Variants in ELMOD1 observed in about 807,000 individuals in gnomAD.
ELMOD1 encodes the protein ELMO domain-containing protein 1.
In ELMOD1, 21 loss-of-function variants were observed where a neutral mutation model predicts 46.7. The ratio of observed to expected loss-of-function variants is 0.45; its 90% CI spans 0.32 to 0.65. The LOEUF is 0.65. ELMOD1 is among the 30% of genes least tolerant of loss of function. ELMOD1 has a pLI of 0.04. For synonymous variants in ELMOD1, 122 were observed against 138.2 expected (o/e 0.88, Z 0.82); for missense variants, 348 against 407.8 (o/e 0.85, Z 1.26).
At chr11:107,632,579 C>T (rs116859318) in intron 5 of ELMOD1, among the ~76,000 whole-genome samples, 9 of 152,288 alleles carry the variant, frequency 5.9e-5, no homozygotes, top group Non-Finnish European at 1.3e-4. Context: ...GCAGCCGCTT[C>T]AGTTCATTAG....
At chr11:107,598,961 T>C (rs1865541090) in intron 1 of ELMOD1, among the ~76,000 whole-genome samples, 1 of 152,236 alleles carries the variant, frequency 6.6e-6, no homozygotes, top group South Asian at 2.1e-4. Flanking sequence ...GTGGGACCTA[T>C]TGAGCACACA....
chr11:107,597,130 A>G (rs1251539545), intron 1 of ELMOD1, among the ~76,000 whole-genome samples: 1 of 152,264 alleles, frequency 6.6e-6, no homozygotes, highest in South Asian at 2.1e-4. Flanking sequence ...CATTTCTACA[A>G]TTTTATCAAG....
At position 107,600,603 on chromosome 11, in the gene ELMOD1, G is replaced by A. The variant is rs527861134; in HGVS notation, c.-86+9194G>A. 6 of 152,738 alleles carry A rather than the reference G, an allele frequency of 3.9e-5. No individual in the cohort carries two copies. In the South Asian group the frequency reaches 1.2e-3, roughly 32 times the overall value. 9.5% of individuals were successfully genotyped at this position (152,738 alleles called of 1,614,324 possible). On this transcript the variant is annotated intron_variant, in intron 1 of 11. Coordinates refer to ENST00000265840, the MANE Select transcript of ELMOD1 (RefSeq NM_018712.4). The stretch of plus-strand genomic sequence containing the variant: ...CCCTTAATTATTTTTGGTCCTAAAC[G>A]AAGGATTCATAATACCGTATCAAAT...
At chr11:107,647,650 C>A in intron 7 of ELMOD1, 49 bp downstream of exon 7, 1 of 1,564,052 alleles carries the variant, frequency 6.4e-7, no homozygotes, top group Non-Finnish European at 8.7e-7. Flanking sequence ...TTTTGGTCTC[C>A]TCATACTGAA....
intron 2 of ELMOD1, among the ~76,000 whole-genome samples, chr11:107,627,542 A>G (rs1262237051): frequency 6.6e-6 from 1 of 152,200 alleles, no homozygotes; most frequent in African/African-American, 2.4e-5. Flanking sequence ...TTGATGCAAA[A>G]CAGTAACACA....
chr11:107,615,084 A>G (rs971929876), intron 1 of ELMOD1, among the ~76,000 whole-genome samples: 4 of 152,124 alleles, frequency 2.6e-5, no homozygotes, highest in Non-Finnish European at 2.9e-5. Flanking sequence ...TGTTTACCCT[A>G]TAGTATCCCT....
intron 5 of ELMOD1, among the ~76,000 whole-genome samples, chr11:107,634,970 A>G (rs1866202768): frequency 6.6e-6 from 1 of 152,238 alleles, no homozygotes; most frequent in African/African-American, 2.4e-5. Flanking sequence ...TCAGACAACT[A>G]CAGCGGTCAG....
At chr11:107,648,504 C>G (rs1239385865) in intron 7 of ELMOD1, among the ~76,000 whole-genome samples, 1 of 152,240 alleles carries the variant, frequency 6.6e-6, no homozygotes, top group African/African-American at 2.4e-5. Context: ...AGCCTGATGC[C>G]TCCAGTGTAA....
chr11:107,600,257 A>G (rs1457652337), intron 1 of ELMOD1: 7 of 151,502 alleles, frequency 4.6e-5, no homozygotes. Flanking sequence ...CTTTACAAAA[A>G]TATACCCCTG....
intron 2 of ELMOD1, among the ~76,000 whole-genome samples, chr11:107,628,056 T>C (rs981287033): frequency 6.6e-6 from 1 of 151,992 alleles, no homozygotes; most frequent in Non-Finnish European, 1.5e-5. Context: ...ACCATTTTGC[T>C]GGGGACCAGT....
intron 1 of ELMOD1, among the ~76,000 whole-genome samples, chr11:107,606,171 G>A (rs1865682159): frequency 6.6e-6 from 1 of 152,108 alleles, no homozygotes; most frequent in South Asian, 2.1e-4. Context: ...CCTTGCATAG[G>A]CATAGTGCTT....
chr11:107,627,066 C>T (rs372171377), intron 2 of ELMOD1, among the ~76,000 whole-genome samples: 1 of 152,196 alleles, frequency 6.6e-6, no homozygotes, highest in South Asian at 2.1e-4. Context: ...ATAAATTACA[C>T]CTGTCAAAAC....
chr11:107,604,711 T>C (rs1185135423), intron 1 of ELMOD1, among the ~76,000 whole-genome samples: 5 of 152,218 alleles, frequency 3.3e-5, no homozygotes, highest in Admixed American at 3.3e-4. Flanking sequence ...TGTCAAGCCA[T>C]GCATAATTAT....
intron 11 of ELMOD1, among the ~76,000 whole-genome samples, chr11:107,662,135 C>T (rs1484630073): frequency 1.3e-5 from 2 of 152,126 alleles, no homozygotes; most frequent in Non-Finnish European, 2.9e-5. Context: ...TGAGGAAGAA[C>T]CTTTATTTGT....
intron 1 of ELMOD1, among the ~76,000 whole-genome samples, chr11:107,599,144 G>A (rs183003576): frequency 2.0e-5 from 3 of 152,276 alleles, no homozygotes; most frequent in Admixed American, 2.0e-4. Flanking sequence ...CTTAAAGGGA[G>A]GGTAGATGTA....
At chr11:107,612,626 C>G in intron 1 of ELMOD1, among the ~76,000 whole-genome samples, 1 of 152,100 alleles carries the variant, frequency 6.6e-6, no homozygotes, top group East Asian at 1.9e-4. Context: ...AGCTCAGTAC[C>G]ACTCATGGAA....
In ELMOD1 at chr11:107,666,539, C is replaced by T. The variant is rs1483915363; in HGVS notation, c.*1342C>T. On this transcript the variant is annotated 3_prime_UTR_variant, in exon 12 of 12. Transcript: ENST00000265840. ...GTAAGTTGCTTAGAAAGGGAAAAGT[C>T]AAATTGTTCCAGAACTGCTAAAAAT... The T allele has an allele frequency of 2.0e-5, 3 of 152,592 alleles. No homozygotes were observed. Among genetic ancestry groups the T allele is most frequent in the African/African-American group, 7.2e-5 (3 of 41,432 alleles). The allele number at this position is 152,592 out of a possible 1,614,324, so 9.5% of individuals were successfully genotyped here. A position where few individuals can be genotyped will look rare whatever the true frequency, so the allele number is the denominator to read the frequency against.
chr11:107,608,731 T>C (rs1865728729), intron 1 of ELMOD1, among the ~76,000 whole-genome samples: 1 of 152,200 alleles, frequency 6.6e-6, no homozygotes, highest in Non-Finnish European at 1.5e-5. Flanking sequence ...TGTAATACAT[T>C]TGCTTCAGGA....
At position 107,647,579 on chromosome 11, in the gene ELMOD1, C is replaced by A. The variant is rs1866453372; in HGVS notation, c.532C>A (p.Leu178Ile). The change falls in exon 7 of 12, where the codon CTT becomes ATT. Residue 178 changes from leucine (L) to isoleucine (I), a missense_variant. By Grantham distance (5) the Leu-to-Ile change is conservative. Coordinates refer to ENST00000265840, the MANE Select transcript of ELMOD1 (RefSeq NM_018712.4). ...DPKTDFRGMG[L>I]LGLYNLQYFA... ...TAAAACAGACTTTCGAGGAATGGGA[C>A]TTCTGGGACTGTACAATTTGCAGTA... 1 of 1,613,068 alleles carries A rather than the reference C, an allele frequency of 6.2e-7. No individual in the cohort carries two copies. Among genetic ancestry groups the A allele is most frequent in the African/African-American group, 1.3e-5 (1 of 74,954 alleles).
Sources: gnomAD v4.1 joint callset for allele counts (sites outside exome capture counted in the v4.1 genomes callset) on GRCh38, gnomAD v4.1.1 for gene constraint, MANE v1.5 for transcripts, NCBI Gene and HGNC (gene_info 2026-07-23, HGNC 2026-07-21) for gene names.